The following ZNF385C variants were observed in gnomAD, a reference collection of about 807,000 sequenced individuals.
The protein encoded by ZNF385C is zinc finger protein 385C.
A neutral mutation model predicts 35.4 loss-of-function variants in ZNF385C; 28 were observed. That is an observed-to-expected ratio of 0.79 (90% CI 0.59 to 1.08). ZNF385C has a LOEUF of 1.08. Among genes scored for constraint, ZNF385C ranks in the 50% least tolerant of loss-of-function variants. The pLI, the probability that ZNF385C is intolerant of heterozygous loss-of-function variation, is 0.00. For synonymous variants in ZNF385C, 248 were observed against 248.2 expected, an observed-to-expected ratio of 1.00 and a Z score of 0.01; for missense variants, 605 against 595.6, an observed-to-expected ratio of 1.02 and a Z score of -0.16.
At chr17:42,087,588 C>G (rs781916864) in intron 1 of ZNF385C, among the ~76,000 whole-genome samples, 10 of 152,178 alleles carry the variant, frequency 6.6e-5, no homozygotes, top group Non-Finnish European at 1.5e-4. Context: ...TCCCACAGCC[C>G]CACATCTCTT....
intron 3 of ZNF385C, among the ~76,000 whole-genome samples, chr17:42,036,915 C>A (rs782269710): frequency 1.1e-4 from 16 of 152,142 alleles, no homozygotes; most frequent in Non-Finnish European, 1.6e-4. Context: ...ATGGGGCATG[C>A]CACACCCATG....
intron 4 of ZNF385C, among the ~76,000 whole-genome samples, chr17:42,032,777 A>G (rs1185874973): frequency 6.6e-6 from 1 of 151,490 alleles, no homozygotes; most frequent in East Asian, 1.9e-4. Context: ...AACGGGAGCA[A>G]TCTAGGCTCA....
At chr17:42,044,132 C>T (rs1326969479) in intron 2 of ZNF385C, among the ~76,000 whole-genome samples, 3 of 123,962 alleles carry the variant, frequency 2.4e-5, no homozygotes, top group African/African-American at 8.3e-5. Flanking sequence ...ATGGCAAAAC[C>T]CCATCTCTAA....
intron 2 of ZNF385C, chr17:42,061,180 A>G (rs2053454698): frequency 6.7e-6 from 1 of 150,164 alleles, no homozygotes; most frequent in African/African-American, 2.5e-5. Context: ...TAGGTGGTCA[A>G]TAAATATTTG....
chr17:42,060,091 C>T (rs2143828707), intron 2 of ZNF385C, among the ~76,000 whole-genome samples: 1 of 152,308 alleles, frequency 6.6e-6, no homozygotes, highest in East Asian at 1.9e-4. Context: ...AGCCACAGGA[C>T]TGGCCTTCCC....
chr17:42,062,655 G>T, intron 2 of ZNF385C, 152 bp downstream of exon 2: 1 of 404,680 alleles, frequency 2.5e-6, no homozygotes, highest in Non-Finnish European at 4.3e-6. Context: ...GCTGGCATCG[G>T]GGAGGCTTCA....
intron 2 of ZNF385C, chr17:42,043,081 T>A: frequency 8.1e-7 from 1 of 1,232,162 alleles, no homozygotes; most frequent in South Asian, 4.1e-5. Context: ...AGCCTGGCCC[T>A]CAAAAGGGGG....
intron 7 of ZNF385C, 115 bp from the exon 8 acceptor site, chr17:42,027,843 G>A: frequency 7.8e-7 from 1 of 1,279,030 alleles, no homozygotes; most frequent in East Asian, 2.4e-5. Flanking sequence ...AAAGCACACA[G>A]ACTGGGTCCT....
At position 42,062,858 on chromosome 17, in the gene ZNF385C, G is replaced by C. The variant is rs1555658109; in HGVS notation, c.199C>G (p.His67Asp). The change falls in exon 2 of 9, where the codon CAC becomes GAC. Residue 67 changes from histidine to aspartate, a missense_variant. By Grantham distance (81) the His-to-Asp change is moderately conservative. Coordinates refer to ENST00000692273, the MANE Select transcript of ZNF385C (RefSeq NM_001392013.1). ...QAQVHCGGRA[H>D]QRRLRQLSLG... Reference sequence around the variant, plus strand: ...CTGAGCTGCCGAAGCCGCCTCTGGTGGGCCCGCCCCCCACAGTGCACCTGG... The same window carrying C: ...CTGAGCTGCCGAAGCCGCCTCTGGTCGGCCCGCCCCCCACAGTGCACCTGG... 5 of 637,944 alleles carry C rather than the reference G, an allele frequency of 7.8e-6. No homozygotes were observed. The highest frequency in any genetic ancestry group is 1.4e-5 in the Non-Finnish European group (5 of 354,320). The allele number at this position is 637,944 out of a possible 1,614,324, so 39.5% of individuals were successfully genotyped here.
At chr17:42,082,503 C>T (rs1202123981) in intron 1 of ZNF385C, among the ~76,000 whole-genome samples, 3 of 152,256 alleles carry the variant, frequency 2.0e-5, no homozygotes, top group African/African-American at 4.8e-5. Context: ...CAGGATTCCT[C>T]TTGTGGCATC....
intron 2 of ZNF385C, chr17:42,062,297 CAA>C: frequency 6.5e-6 from 1 of 153,486 alleles, no homozygotes; most frequent in East Asian, 1.9e-4. Context: ...CAAACCTCTG[CAA>C]AGTCACCCCA....
intron 2 of ZNF385C, among the ~76,000 whole-genome samples, chr17:42,053,979 G>A (rs1181408625): frequency 6.6e-6 from 1 of 152,184 alleles, no homozygotes; most frequent in African/African-American, 2.4e-5. Context: ...TCCTGGTTCT[G>A]CCTGGAAAGC....
intron 1 of ZNF385C, among the ~76,000 whole-genome samples, chr17:42,094,827 C>T (rs1219646506): frequency 6.6e-6 from 1 of 152,220 alleles, no homozygotes; most frequent in African/African-American, 2.4e-5. Flanking sequence ...CTTAACCAAC[C>T]GCTGCCGGCA....
chr17:42,028,885 T>G lies in ZNF385C; in HGVS notation c.865A>C (p.Ser289Arg). ...CTCCTGCCTTCCCCACTCATGCTGC[T>G]TCCCACGGCAGCTGCCGCTGGCTCA... ...GPEPAAAAVG[S>R]SMSGEGRSEK... Residue 289 changes from serine (S) to arginine (R), a missense_variant, in exon 6 of 9, where the codon AGC becomes CGC. By Grantham distance (110) the Ser-to-Arg change is moderately radical (BLOSUM62 -1). Coordinates refer to ENST00000692273, the MANE Select transcript of ZNF385C (RefSeq NM_001392013.1). 1 of 1,550,590 alleles carries G rather than the reference T, an allele frequency of 6.4e-7. No individual in the cohort carries two copies. The highest frequency in any genetic ancestry group is 1.4e-5 in the African/African-American group (1 of 73,184).
chr17:42,055,815 C>T (rs2053366922), intron 2 of ZNF385C, among the ~76,000 whole-genome samples: 1 of 152,118 alleles, frequency 6.6e-6, no homozygotes, highest in African/African-American at 2.4e-5. Context: ...CAGCCAGAGG[C>T]TTCTGCAGTC....
At chr17:42,082,847 G>A (rs1421436013) in intron 1 of ZNF385C, among the ~76,000 whole-genome samples, 2 of 152,202 alleles carry the variant, frequency 1.3e-5, no homozygotes, top group East Asian at 1.9e-4. Context: ...GGAGGCCAAG[G>A]CTGGTGGATC....
At chr17:42,027,554 G>GGCCACCCCCCC in intron 8 of ZNF385C, 64 bp downstream of exon 8, 2 of 556,880 alleles carry the variant, frequency 3.6e-6, no homozygotes, top group Non-Finnish European at 6.6e-6. Context: ...CCCCCATCTG[G>GGCCACCCCCCC]CCCTCCCAGC....
chr17:42,057,656 T>C (rs1350504614), intron 2 of ZNF385C, among the ~76,000 whole-genome samples: 1 of 151,616 alleles, frequency 6.6e-6, no homozygotes, highest in African/African-American at 2.4e-5. Context: ...TCCTGAAGAA[T>C]GAAAGAGGCC....
At chr17:42,057,893 G>A (rs2053405442) in intron 2 of ZNF385C, among the ~76,000 whole-genome samples, 1 of 151,822 alleles carries the variant, frequency 6.6e-6, no homozygotes, top group Non-Finnish European at 1.5e-5. Context: ...CAATGAGTTG[G>A]GATCACACCA....
Sources: allele counts gnomAD v4.1 joint callset (sites outside exome capture counted in the v4.1 genomes callset), GRCh38; gene constraint gnomAD v4.1.1; transcripts MANE v1.5; gene names NCBI Gene and HGNC (gene_info 2026-07-23, HGNC 2026-07-21).